The following EPS8L2 variants were observed in gnomAD, a reference collection of about 807,000 sequenced individuals.
EPS8L2 encodes the protein epidermal growth factor receptor kinase substrate 8-like protein 2.
A neutral mutation model predicts 99.4 loss-of-function variants in EPS8L2; 81 were observed. That is an observed-to-expected ratio of 0.82 (90% CI 0.68 to 0.98). EPS8L2 has a LOEUF of 0.98. EPS8L2 is among the 50% of genes least tolerant of loss of function. The probability of loss-of-function intolerance (pLI) is 0.00; values close to 1 mark genes in which losing one functional copy is unlikely to be tolerated. For missense variants in EPS8L2, 1,155 were observed against 968.8 expected (o/e 1.19, Z -2.55); for synonymous variants, 509 against 407.3 (o/e 1.25, Z -3.01).
intron 1 of EPS8L2, among the ~76,000 whole-genome samples, chr11:707,317 A>AG (rs1207912672): frequency 6.6e-6 from 1 of 152,152 alleles, no homozygotes; most frequent in Non-Finnish European, 1.5e-5. Flanking sequence ...CCAGGGCCTG[A>AG]GGGGCCTCCC....
chr11:726,010 G>C, intron 17 of EPS8L2, 88 bp from the exon 18 acceptor site: 1 of 1,328,118 alleles, frequency 7.5e-7, no homozygotes, highest in Non-Finnish European at 1.0e-6. Flanking sequence ...CGGGGCTGTA[G>C]GGGGATTGGC....
intron 15 of EPS8L2, among the ~76,000 whole-genome samples, chr11:723,839 C>T (rs1411257380): frequency 3.3e-5 from 5 of 152,154 alleles, no homozygotes; most frequent in Admixed American, 2.0e-4. Flanking sequence ...CTTTCCTTGC[C>T]TCTCCTCTTC....
intron 4 of EPS8L2, among the ~76,000 whole-genome samples, chr11:712,833 G>A (rs1310624807): frequency 1.3e-5 from 2 of 152,256 alleles, no homozygotes; most frequent in Non-Finnish European, 2.9e-5. Context: ...CCAGGCTGGT[G>A]ACTTCGGCCA....
chr11:709,456 GCCC>G lies in EPS8L2; in HGVS notation c.44+6_44+8del. On this transcript the variant is annotated splice_donor_region_variant and intron_variant, in intron 2 of 20. Coordinates refer to ENST00000318562, the MANE Select transcript of EPS8L2 (RefSeq NM_022772.4). Reference sequence around the variant, plus strand: ...CTGCTGCCCGGGTGCCACCAAGTGAGCCCTCCCACCCATCCCGAATACCCCACC... The same window carrying G: ...CTGCTGCCCGGGTGCCACCAAGTGAGTCCCACCCATCCCGAATACCCCACC... The G allele has an allele frequency of 2.5e-6, 4 of 1,588,530 alleles. No homozygotes were observed. The highest frequency in any genetic ancestry group is 3.4e-6 in the Non-Finnish European group (4 of 1,164,896).
intron 1 of EPS8L2, 84 bp from the exon 2 acceptor site, chr11:709,246 C>G: frequency 1.2e-6 from 1 of 859,134 alleles, no homozygotes; most frequent in Admixed American, 2.3e-5. Context: ...CCAGGCCAGG[C>G]CAGTCAGGGA....
intron 3 of EPS8L2, chr11:710,000 G>T (rs1012085749): frequency 1.8e-5 from 7 of 383,656 alleles, no homozygotes; most frequent in African/African-American, 1.4e-4. Context: ...CTAGCTAGAT[G>T]CACCCTTCAC....
At chr11:716,811 A>G (rs1470545320) in intron 4 of EPS8L2, among the ~76,000 whole-genome samples, 2 of 152,160 alleles carry the variant, frequency 1.3e-5, no homozygotes, top group East Asian at 1.9e-4. Context: ...ATCAAAAAAC[A>G]TATTCTGTAC....
Position 721,088 on chromosome 11 carries a change from G to A in EPS8L2, c.582G>A (p.Gln194=), listed in dbSNP as rs1161956711. Residue 194 remains glutamine (Q), a synonymous_variant, in exon 8 of 21, where the codon CAG becomes CAA. Coordinates refer to ENST00000318562, the MANE Select transcript of EPS8L2 (RefSeq NM_022772.4). ...GGGGACACCAGGAGAAGATTCGGCA[G>A]CGGCAGTCCATCCTGCCTCCTCCCC... is the stretch of plus-strand genomic sequence containing the variant. ...TLKGHQEKIR[Q]RQSILPPPQG... is the part of the protein sequence containing the mutation. The A allele has an allele frequency of 1.3e-6, 2 of 1,511,306 alleles. No homozygotes were observed. Among genetic ancestry groups the A allele is most frequent in the Non-Finnish European group, 1.8e-6 (2 of 1,130,942 alleles). 93.6% of individuals were successfully genotyped at this position (1,511,306 alleles called of 1,614,324 possible). A position where few individuals can be genotyped will look rare whatever the true frequency, so the allele number is the denominator to read the frequency against.
At chr11:710,820 C>A (rs773598318) in intron 4 of EPS8L2, among the ~76,000 whole-genome samples, 6 of 152,204 alleles carry the variant, frequency 3.9e-5, no homozygotes, top group African/African-American at 9.6e-5. Context: ...GTCAGCCCAG[C>A]TTCTGACACC....
At chr11:720,793 C>T in intron 6 of EPS8L2, 37 bp from the exon 7 acceptor site, 4 of 1,543,024 alleles carry the variant, frequency 2.6e-6, no homozygotes, top group Non-Finnish European at 3.5e-6. Flanking sequence ...CCGCGCCGCG[C>T]CCCGCCCTCC....
At chr11:708,091 G>A (rs1018686550) in intron 1 of EPS8L2, among the ~76,000 whole-genome samples, 5 of 152,258 alleles carry the variant, frequency 3.3e-5, no homozygotes, top group South Asian at 2.1e-4. Context: ...CGGGTGCTCC[G>A]AGCCACTCCC....
At position 720,213 on chromosome 11, in the gene EPS8L2, TC is replaced by T. The variant is rs1417898671; in HGVS notation, c.318del (p.Ile106MetfsTer80). On this transcript the variant is annotated frameshift_variant, in exon 5 of 21. Transcript: ENST00000318562. LOFTEE classifies it high-confidence loss of function. The stretch of plus-strand genomic sequence containing the variant: ...GACCAGTCGCTGCGGCTGCTGGACA[TC>T]GAGTCACAGGTGGGGCCCAGCGCCA... ...VNDQSLRLLD[I>X]ESQEELEDFP... is the part of the protein sequence containing the mutation. 4 of 1,612,808 alleles carry T rather than the reference TC, an allele frequency of 2.5e-6. No individual in the cohort carries two copies. Among genetic ancestry groups the T allele is most frequent in the Non-Finnish European group, 3.4e-6 (4 of 1,179,906 alleles).
chr11:725,791 C>T lies in EPS8L2; in HGVS notation c.1624C>T (p.Pro542Ser). 1.5e-6 allele frequency: 2 copies of T among 1,374,582 alleles called. No homozygotes were observed. Among genetic ancestry groups the T allele is most frequent in the Non-Finnish European group, 1.9e-6 (2 of 1,067,828 alleles). The allele number at this position is 1,374,582 out of a possible 1,614,324, so 85.1% of individuals were successfully genotyped here. ...RSRSGQAGYV[P>S]CNILGEARPE... ...CCGCAGCGGCCAGGCGGGGTACGTG[C>T]CCTGCAACATCCTAGGCGAGGCGCG... is the stretch of plus-strand genomic sequence containing the variant. Residue 542 changes from proline (P) to serine (S), a missense_variant, in exon 17 of 21, where the codon CCC (proline) becomes TCC (serine). Transcript: ENST00000318562.
chr11:718,903 T>G (rs1356866980), intron 4 of EPS8L2, among the ~76,000 whole-genome samples: 1 of 149,618 alleles, frequency 6.7e-6, no homozygotes, highest in Non-Finnish European at 1.5e-5. Flanking sequence ...CTCCTGACCT[T>G]GTGATCCACC....
chr11:711,300 C>A (rs1045027456), intron 4 of EPS8L2, among the ~76,000 whole-genome samples: 3 of 150,554 alleles, frequency 2.0e-5, no homozygotes, highest in African/African-American at 4.9e-5. Context: ...GTCTTTTTTT[C>A]TTCCTTTCTT....
At chr11:725,656 A>T in intron 16 of EPS8L2, 72 bp from the exon 17 acceptor site, 1 of 1,273,764 alleles carries the variant, frequency 7.9e-7, no homozygotes, top group Non-Finnish European at 9.9e-7. Context: ...GACCTCTGTA[A>T]AGCGGCGCCA....
intron 7 of EPS8L2, 75 bp from the exon 8 acceptor site, chr11:720,989 A>AGGGGAGGAGCCCGGCAG: frequency 7.0e-7 from 1 of 1,420,462 alleles, no homozygotes; most frequent in South Asian, 1.3e-5. Flanking sequence ...CCGGCAGGGG[A>AGGGGAGGAGCCCGGCAG]GGGGAGGAGC....
At chr11:711,923 C>T (rs1415699414) in intron 4 of EPS8L2, among the ~76,000 whole-genome samples, 1 of 151,638 alleles carries the variant, frequency 6.6e-6, no homozygotes, top group Non-Finnish European at 1.5e-5. Flanking sequence ...GCGGAGGTTG[C>T]AGTGAGCCGA....
rs1014864959 is a variant in EPS8L2, at chr11:720,884, A to C, written c.532A>C (p.Lys178Gln). The C allele has an allele frequency of 2.1e-6, 3 of 1,408,440 alleles. No homozygotes were observed. The highest frequency in any genetic ancestry group is 2.2e-5 in the Admixed American group (1 of 45,120). 87.2% of individuals were successfully genotyped at this position (1,408,440 alleles called of 1,614,324 possible). ...CGCGTTGGCCGACTGCCGGCTGGGC[A>C]AGAAGATGCGGCCGCAGACCCTGAA... ...ESALADCRLGKKMRPQTLKGH... is the reference protein window; with the variant it reads ...ESALADCRLGQKMRPQTLKGH... Residue 178 changes from lysine (K) to glutamine (Q), a missense_variant, in exon 7 of 21, where the codon AAG (lysine) becomes CAG (glutamine). Coordinates refer to ENST00000318562, the MANE Select transcript of EPS8L2 (RefSeq NM_022772.4).
Sources: gnomAD v4.1 joint callset for allele counts (sites outside exome capture counted in the v4.1 genomes callset) on GRCh38, gnomAD v4.1.1 for gene constraint, MANE v1.5 for transcripts, NCBI Gene and HGNC (gene_info 2026-07-23, HGNC 2026-07-21) for gene names.